The following SUPT3H variants were observed in gnomAD, a reference collection of about 807,000 sequenced individuals.
SUPT3H encodes transcription initiation protein SPT3 homolog.
Under a neutral mutation model 44.3 loss-of-function variants are expected in SUPT3H, and 44 were observed. The ratio of observed to expected loss-of-function variants is 0.99; its 90% CI spans 0.78 to 1.28. The LOEUF is 1.28. Among genes scored for constraint, SUPT3H ranks in the 50% most tolerant of loss-of-function variants. The probability of loss-of-function intolerance (pLI) is 0.00; values close to 1 mark genes in which losing one functional copy is unlikely to be tolerated. For missense variants in SUPT3H, 380 were observed against 387.1 expected (o/e 0.98, Z 0.15); for synonymous variants, 124 against 125.6 (o/e 0.99, Z 0.09).
At chr6:45,328,444 C>G (rs375345686) in intron 2 of SUPT3H, 17 of 1,460,270 alleles carry the variant, frequency 1.2e-5, no homozygotes, top group Middle Eastern at 1.9e-4. Context: ...TACCAGCCAC[C>G]GAGACCAACA....
rs533575872 is a variant in SUPT3H at position 44,896,314 on chromosome 6, CATT to C, written c.912+36336_912+36338del. On this transcript the variant is annotated intron_variant, in intron 10 of 10. Coordinates refer to ENST00000371459, the MANE Select transcript of SUPT3H (RefSeq NM_003599.4). ...TCCTCATCTGCAAAATCATCATCAT[CATT>C]ATTAACACTTAGGGTCCTAAATACA... Among the ~76,000 whole-genome samples, 281 of 152,196 alleles carry C rather than the reference CATT, an allele frequency of 1.8e-3. 1 individual carries two copies. The highest frequency in any genetic ancestry group is 6.2e-3 in the African/African-American group (257 of 41,540).
intron 1 of SUPT3H, among the ~76,000 whole-genome samples, chr6:45,376,849 A>G (rs1018800432): frequency 2.0e-5 from 3 of 151,700 alleles, no homozygotes; most frequent in African/African-American, 7.3e-5. Flanking sequence ...CCTTCCAAAT[A>G]CATACATACA....
At chr6:45,123,945 TA>T (rs1224120161) in intron 2 of SUPT3H, among the ~76,000 whole-genome samples, 2 of 152,172 alleles carry the variant, frequency 1.3e-5, no homozygotes, top group Admixed American at 1.3e-4. Context: ...CCCAACCATT[TA>T]AAAATGTAAA....
chr6:45,343,975 A>T (rs1790342377), intron 2 of SUPT3H, among the ~76,000 whole-genome samples: 1 of 152,214 alleles, frequency 6.6e-6, no homozygotes, highest in Non-Finnish European at 1.5e-5. Context: ...TTTACTGGTA[A>T]AATATTTTAC....
At chr6:45,359,028 C>G (rs1340233051) in intron 2 of SUPT3H, among the ~76,000 whole-genome samples, 2 of 152,118 alleles carry the variant, frequency 1.3e-5, no homozygotes, top group Admixed American at 6.5e-5. Flanking sequence ...ATAACTTCAT[C>G]TACCTGAATT....
chr6:45,026,390 T>C (rs1786003069), intron 3 of SUPT3H, among the ~76,000 whole-genome samples: 1 of 150,650 alleles, frequency 6.6e-6, no homozygotes, highest in South Asian at 2.1e-4. Context: ...TTTATGTTTC[T>C]CTTTTATTTG....
intron 9 of SUPT3H, among the ~76,000 whole-genome samples, chr6:44,946,000 C>T (rs1773282433): frequency 6.6e-6 from 1 of 152,104 alleles, no homozygotes; most frequent in Non-Finnish European, 1.5e-5. Flanking sequence ...TAAGTTTTAG[C>T]TAGTGTTCAT....
chr6:45,252,114 A>T (rs1374923489), intron 2 of SUPT3H, among the ~76,000 whole-genome samples: 2 of 152,132 alleles, frequency 1.3e-5, no homozygotes, highest in Non-Finnish European at 2.9e-5. Context: ...AATACTGCAA[A>T]TGTTTATTGA....
chr6:45,353,382 TACTA>T lies in SUPT3H; in HGVS notation c.101+11815_101+11818del, dbSNP rs538150407. Among the ~76,000 whole-genome samples, 45 of 152,170 alleles carry T rather than the reference TACTA, an allele frequency of 3.0e-4. No individual in the cohort carries two copies. In the South Asian group the frequency reaches 3.1e-3, roughly 11 times the overall value. On this transcript the variant is annotated intron_variant, in intron 2 of 10. Coordinates refer to ENST00000371459, the MANE Select transcript of SUPT3H (RefSeq NM_003599.4). ...TTATGCGGATGGACTTGAACTATAA[TACTA>T]ACTATTAAAACATATTAAGAAGCTA...
At position 45,095,498 on chromosome 6, in the gene SUPT3H, TAA is replaced by T. The variant is rs1797674207; in HGVS notation, c.186+10422_186+10423del. ...ATTAAGCCATAACTCTTCACACTTA[TAA>T]ATTTGTTCTTTATTACTTTTCATAA... On this transcript the variant is annotated intron_variant, in intron 3 of 10. Coordinates refer to ENST00000371459, the MANE Select transcript of SUPT3H (RefSeq NM_003599.4). This position sits in a 1 kb window ranked among gnomAD's most constrained non-coding sequence, Gnocchi z 4.1. 2.6e-5 allele frequency among the ~76,000 whole-genome samples: 4 copies of T among 152,248 alleles called. No homozygotes were observed. The highest frequency in any genetic ancestry group is 2.1e-4 in the South Asian group (1 of 4,828).
intron 11 of SUPT3H, among the ~76,000 whole-genome samples, chr6:44,818,336 A>G (rs530062063): frequency 6.6e-6 from 1 of 152,276 alleles, no homozygotes; most frequent in East Asian, 1.9e-4. Context: ...TAGAAAACCT[A>G]AAAGTAAAAA....
rs180823577 is a variant in SUPT3H at position 45,201,562 on chromosome 6, A to G, written c.102-95556T>C. Among the ~76,000 whole-genome samples, 391 of 152,014 alleles carry G rather than the reference A, an allele frequency of 2.6e-3. 3 individuals are homozygous for G. Among genetic ancestry groups the G allele is most frequent in the African/African-American group, 8.6e-3 (357 of 41,576 alleles). ...GAAAGTGGAAAAAAACATAATCGGA[A>G]TAATTTCATAACATGCATAATCATT... On this transcript the variant is annotated intron_variant, in intron 2 of 10. Transcript: ENST00000371459.
At chr6:45,021,980 G>C (rs557901738) in intron 3 of SUPT3H, among the ~76,000 whole-genome samples, 78 of 152,056 alleles carry the variant, frequency 5.1e-4, no homozygotes, top group African/African-American at 1.8e-3. Context: ...CTCAGAAACT[G>C]TTTTCAGCAG....
At chr6:45,347,961 A>T (rs1167742208) in intron 2 of SUPT3H, among the ~76,000 whole-genome samples, 1 of 152,170 alleles carries the variant, frequency 6.6e-6, no homozygotes, top group East Asian at 1.9e-4. Context: ...AAAATCTCAA[A>T]CAAATGCATT....
intron 2 of SUPT3H, among the ~76,000 whole-genome samples, chr6:45,281,919 T>C (rs987039669): frequency 6.6e-6 from 1 of 152,262 alleles, no homozygotes; most frequent in East Asian, 1.9e-4. Flanking sequence ...GCAACAACAT[T>C]TGCTGCTCAC....
intron 10 of SUPT3H, among the ~76,000 whole-genome samples, chr6:44,916,254 C>A (rs894511794): frequency 2.6e-5 from 4 of 152,208 alleles, no homozygotes; most frequent in Admixed American, 2.6e-4. Context: ...CAATACACTG[C>A]ATCTTTCATT....
intron 2 of SUPT3H, among the ~76,000 whole-genome samples, chr6:45,344,863 C>A (rs1790528465): frequency 6.6e-6 from 1 of 152,122 alleles, no homozygotes; most frequent in African/African-American, 2.4e-5. Context: ...GACGGTAAAA[C>A]TAATGGTACA....
At chr6:45,317,156 G>A (rs960119351) in intron 2 of SUPT3H, among the ~76,000 whole-genome samples, 3 of 145,202 alleles carry the variant, frequency 2.1e-5, no homozygotes, top group Non-Finnish European at 4.5e-5. Flanking sequence ...GAGCCTGGGA[G>A]GTAGAGGTTG....
At chr6:45,377,106 T>G (rs1796904046) in intron 1 of SUPT3H, among the ~76,000 whole-genome samples, 1 of 151,304 alleles carries the variant, frequency 6.6e-6, no homozygotes, top group Non-Finnish European at 1.5e-5. Flanking sequence ...AAGGTCACAG[T>G]CATTCTGAAC....
Sources: gnomAD v4.1 joint callset for allele counts (sites outside exome capture counted in the v4.1 genomes callset) on GRCh38, gnomAD v4.1.1 for gene constraint, Gnocchi (gnomAD v3.1) non-coding constraint, MANE v1.5 for transcripts, NCBI Gene and HGNC (gene_info 2026-07-23, HGNC 2026-07-21) for gene names.